SEMA6D: variants seen among roughly 807,000 people sequenced by gnomAD.
SEMA6D encodes semaphorin 6D.
A neutral mutation model predicts 106.6 loss-of-function variants in SEMA6D; 35 were observed. The ratio of observed to expected loss-of-function variants is 0.33; its 90% CI spans 0.25 to 0.44. SEMA6D has a LOEUF of 0.44. Among genes scored for constraint, SEMA6D ranks in the 20% least tolerant of loss-of-function variants. The pLI, the probability that SEMA6D is intolerant of heterozygous loss-of-function variation, is 1.00. For synonymous variants in SEMA6D, 499 were observed against 487.7 expected (o/e 1.02, Z -0.31); for missense variants, 1,185 against 1,345.9 (o/e 0.88, Z 1.87).
chr15:47,336,066 CCTT>C (rs1163799620), intron 1 of SEMA6D, among the ~76,000 whole-genome samples: 2 of 152,182 alleles, frequency 1.3e-5, no homozygotes, highest in Non-Finnish European at 2.9e-5. Context: ...GGGCTAGTGT[CCTT>C]CGGCTCAACC....
At chr15:47,680,627 A>G (rs545432966) in intron 4 of SEMA6D, among the ~76,000 whole-genome samples, 19 of 152,368 alleles carry the variant, frequency 1.2e-4, no homozygotes, top group African/African-American at 4.6e-4. Flanking sequence ...CTATTGCTCA[A>G]ATGACTCAAT....
intron 1 of SEMA6D, among the ~76,000 whole-genome samples, chr15:47,739,347 TA>T (rs1366139405): frequency 1.3e-5 from 2 of 152,180 alleles, no homozygotes; most frequent in African/African-American, 2.4e-5. Flanking sequence ...GGTTCTCCGT[TA>T]ACCTAGTCTA....
intron 1 of SEMA6D, among the ~76,000 whole-genome samples, chr15:47,749,075 T>C (rs74332124): frequency 0.063 from 7,375 of 116,788 alleles, 727 homozygotes; most frequent in East Asian, 0.52. Flanking sequence ...TAAATCTTTT[T>C]TTTTCTTTTT....
chr15:47,401,967 A>G (rs2146005802), intron 1 of SEMA6D, among the ~76,000 whole-genome samples: 1 of 152,296 alleles, frequency 6.6e-6, no homozygotes, highest in Non-Finnish European at 1.5e-5. Flanking sequence ...CTCCCAAGCC[A>G]GAATTGGTTT....
chr15:47,703,277 T>A (rs1405706509), intron 4 of SEMA6D, among the ~76,000 whole-genome samples: 1 of 152,192 alleles, frequency 6.6e-6, no homozygotes, highest in African/African-American at 2.4e-5. Context: ...AAATTATATT[T>A]TTATAGGCTA....
intron 1 of SEMA6D, among the ~76,000 whole-genome samples, chr15:47,237,910 A>G (rs1253864488): frequency 6.6e-6 from 1 of 152,106 alleles, no homozygotes; most frequent in East Asian, 1.9e-4. Context: ...CAACTTTAAA[A>G]TTAATGGGAG....
At chr15:47,718,608 G>C (rs2079230641) in intron 1 of SEMA6D, 1 of 151,938 alleles carries the variant, frequency 6.6e-6, no homozygotes, top group Admixed American at 6.6e-5. Flanking sequence ...GTCTCCTCCC[G>C]GCCGCTCTAC....
intron 4 of SEMA6D, among the ~76,000 whole-genome samples, chr15:47,663,614 A>T (rs1023288630): frequency 6.6e-6 from 1 of 152,194 alleles, no homozygotes; most frequent in African/African-American, 2.4e-5. Context: ...AGTATAGGGA[A>T]TACAGTGATC....
intron 3 of SEMA6D, among the ~76,000 whole-genome samples, chr15:47,526,154 C>T (rs959790865): frequency 2.6e-5 from 4 of 152,178 alleles, no homozygotes; most frequent in Non-Finnish European, 5.9e-5. Context: ...TTGTTGCTTC[C>T]TTCCCTGCTA....
intron 1 of SEMA6D, among the ~76,000 whole-genome samples, chr15:47,407,389 C>CAA (rs2040617329): frequency 1.2e-5 from 1 of 83,666 alleles, no homozygotes; most frequent in African/African-American, 4.4e-5. Flanking sequence ...AAAAAAAAAC[C>CAA]AAAACAACAA....
chr15:47,358,945 A>C (rs2038695688), intron 1 of SEMA6D, among the ~76,000 whole-genome samples: 1 of 152,320 alleles, frequency 6.6e-6, no homozygotes, highest in East Asian at 1.9e-4. Flanking sequence ...CCAGGGAGTC[A>C]CAGAACAGAA....
At chr15:47,394,178 A>T (rs930469971) in intron 1 of SEMA6D, among the ~76,000 whole-genome samples, 1 of 152,172 alleles carries the variant, frequency 6.6e-6, no homozygotes, top group Non-Finnish European at 1.5e-5. Flanking sequence ...TTGGTCTATC[A>T]TAGTCCACAT....
chr15:47,765,382 A>G, intron 13 of SEMA6D: 4 of 1,117,718 alleles, frequency 3.6e-6, no homozygotes, highest in Non-Finnish European at 4.4e-6. Flanking sequence ...GCTTGCATAC[A>G]CACACACACA....
At chr15:47,251,870 A>G (rs2033527844) in intron 1 of SEMA6D, among the ~76,000 whole-genome samples, 1 of 150,032 alleles carries the variant, frequency 6.7e-6, no homozygotes, top group East Asian at 2.0e-4. Flanking sequence ...CTCTTCAGTA[A>G]GTATCTGTTC....
intron 1 of SEMA6D, among the ~76,000 whole-genome samples, chr15:47,301,820 G>C (rs566762703): frequency 6.6e-6 from 1 of 152,312 alleles, no homozygotes; most frequent in Non-Finnish European, 1.5e-5. Context: ...CCTTTGGGTG[G>C]ATTTAATTTG....
intron 1 of SEMA6D, among the ~76,000 whole-genome samples, chr15:47,389,149 C>T (rs1205776212): frequency 6.6e-6 from 1 of 152,154 alleles, no homozygotes; most frequent in East Asian, 1.9e-4. Flanking sequence ...AGCAACTTAG[C>T]TTCTCTCCCT....
chr15:47,577,052 C>T (rs531496191), intron 3 of SEMA6D, among the ~76,000 whole-genome samples: 6 of 152,344 alleles, frequency 3.9e-5, no homozygotes, highest in African/African-American at 1.2e-4. Context: ...TTCTATTCCC[C>T]AAGCTAGGAT....
intron 3 of SEMA6D, among the ~76,000 whole-genome samples, chr15:47,529,926 A>G (rs1338175826): frequency 6.6e-6 from 1 of 152,198 alleles, no homozygotes; most frequent in African/African-American, 2.4e-5. Context: ...TTTCATGTTC[A>G]TGTTCATGTT....
At chr15:47,613,296 T>C (rs573188346) in intron 4 of SEMA6D, among the ~76,000 whole-genome samples, 20 of 152,228 alleles carry the variant, frequency 1.3e-4, no homozygotes, top group South Asian at 2.1e-4. Context: ...AAGTTTCCAC[T>C]GCATTTTCAG....
Sources: gnomAD v4.1 joint callset for allele counts (sites outside exome capture counted in the v4.1 genomes callset) on GRCh38, gnomAD v4.1.1 for gene constraint, MANE v1.5 for transcripts, NCBI Gene and HGNC (gene_info 2026-07-23, HGNC 2026-07-21) for gene names.